Variants in TLL1 observed in about 807,000 individuals in gnomAD.
TLL1 encodes the protein tolloid like 1.
TLL1 carries 49 observed loss-of-function variants against 128.2 expected under a neutral mutation model. That is an observed-to-expected ratio of 0.38 (90% confidence interval 0.30 to 0.48). The LOEUF (loss-of-function observed/expected upper bound fraction) is 0.48. TLL1 is among the 20% of genes least tolerant of loss of function. The probability of loss-of-function intolerance (pLI) is 0.96; values close to 1 mark genes in which losing one functional copy is unlikely to be tolerated. For synonymous variants in TLL1, 454 were observed against 418.8 expected, an observed-to-expected ratio of 1.08 and a Z score of -1.03; for missense variants, 1,123 against 1,242.0, an observed-to-expected ratio of 0.90 and a Z score of 1.44.
chr4:165,953,253 T>G (rs1734612225), intron 1 of TLL1, among the ~76,000 whole-genome samples: 1 of 152,028 alleles, frequency 6.6e-6, no homozygotes, highest in Non-Finnish European at 1.5e-5. Flanking sequence ...GTATTTGTCC[T>G]TTGGTATTTA....
chr4:165,980,013 G>A (rs1304347958), intron 1 of TLL1, among the ~76,000 whole-genome samples: 3 of 152,184 alleles, frequency 2.0e-5, no homozygotes, highest in South Asian at 2.1e-4. Context: ...AGGGTAAAAC[G>A]ACAGTTTCAG....
intron 14 of TLL1, among the ~76,000 whole-genome samples, chr4:166,059,034 G>A (rs578114599): frequency 7.2e-5 from 11 of 152,094 alleles, no homozygotes; most frequent in Non-Finnish European, 1.5e-4. Flanking sequence ...TAATGAAGCA[G>A]TATATTTTTA....
At chr4:165,981,989 C>T (rs921664034) in intron 1 of TLL1, among the ~76,000 whole-genome samples, 4 of 151,934 alleles carry the variant, frequency 2.6e-5, no homozygotes, top group East Asian at 1.9e-4. Context: ...CTTAGACAAA[C>T]GATGTTTCTG....
At chr4:165,957,701 C>CT (rs568454587) in intron 1 of TLL1, among the ~76,000 whole-genome samples, 2,277 of 135,802 alleles carry the variant, frequency 0.017, 37 homozygotes, top group African/African-American at 0.046. Flanking sequence ...TTGGATCATT[C>CT]TTTTTTTTTT....
intron 1 of TLL1, among the ~76,000 whole-genome samples, chr4:165,986,491 T>C (rs1579585067): frequency 6.6e-6 from 1 of 152,190 alleles, no homozygotes; most frequent in East Asian, 1.9e-4. Flanking sequence ...GTGTCAAGTC[T>C]GGCCGTAAAT....
intron 1 of TLL1, among the ~76,000 whole-genome samples, chr4:165,893,906 C>T (rs1238031273): frequency 6.6e-6 from 1 of 152,124 alleles, no homozygotes; most frequent in African/African-American, 2.4e-5. Context: ...CTCAAAAAGA[C>T]TTATTGAAAT....
At chr4:165,980,202 A>G (rs984387262) in intron 1 of TLL1, among the ~76,000 whole-genome samples, 1 of 148,334 alleles carries the variant, frequency 6.7e-6, no homozygotes, top group African/African-American at 2.6e-5. Flanking sequence ...CTGAGTGTCC[A>G]GTCCCCTTAT....
chr4:165,931,246 G>T (rs533540857), intron 1 of TLL1, among the ~76,000 whole-genome samples: 107 of 152,112 alleles, frequency 7.0e-4, no homozygotes, highest in Non-Finnish European at 1.3e-3. Context: ...AAATGATAGA[G>T]AATAGTTTTA....
At chr4:166,083,960 T>G (rs1490458639) in intron 18 of TLL1, among the ~76,000 whole-genome samples, 1 of 152,104 alleles carries the variant, frequency 6.6e-6, no homozygotes, top group African/African-American at 2.4e-5. Context: ...TCGAGGAGAC[T>G]CCATACTTTT....
chr4:165,949,735 A>G (rs548339332), intron 1 of TLL1, among the ~76,000 whole-genome samples: 1 of 152,236 alleles, frequency 6.6e-6, no homozygotes, highest in South Asian at 2.1e-4. Context: ...CACTACCACA[A>G]GAACAGCATG....
At chr4:166,092,392 G>A (rs2111159540) in intron 19 of TLL1, among the ~76,000 whole-genome samples, 1 of 151,834 alleles carries the variant, frequency 6.6e-6, no homozygotes, top group Admixed American at 6.6e-5. Context: ...AGTAATCATT[G>A]GTCTTCTATC....
intron 1 of TLL1, among the ~76,000 whole-genome samples, chr4:165,955,867 A>AT (rs1160306780): frequency 1.3e-5 from 2 of 152,030 alleles, no homozygotes; most frequent in African/African-American, 4.8e-5. Flanking sequence ...GGTTCTTTCT[A>AT]TTTTCCATAA....
intron 1 of TLL1, among the ~76,000 whole-genome samples, chr4:165,979,245 G>A (rs1316084162): frequency 6.6e-6 from 1 of 152,054 alleles, no homozygotes; most frequent in Non-Finnish European, 1.5e-5. Flanking sequence ...AGCATTGTTT[G>A]TATTAGGGAA....
chr4:165,972,759 A>G (rs940072109), intron 1 of TLL1, among the ~76,000 whole-genome samples: 1 of 152,124 alleles, frequency 6.6e-6, no homozygotes, highest in African/African-American at 2.4e-5. Context: ...TCAGGATTCC[A>G]TCATGTCCAT....
Position 166,055,204 on chromosome 4 carries a change from T to C in TLL1, c.1653T>C (p.Thr551=). ...AAGACATAAGATCTACCTCCAATAC[T>C]TTGTGGATGAAGTTTGTTTCTGACG... ...KPEDIRSTSN[T]LWMKFVSDGT... is the part of the protein sequence containing the mutation. The change falls in exon 13 of 21, where the codon ACT becomes ACC. Residue 551 remains threonine (T), a synonymous_variant. Transcript: ENST00000061240. 6.2e-7 allele frequency: 1 copy of C among 1,613,764 alleles called. No individual in the cohort carries two copies.
intron 8 of TLL1, among the ~76,000 whole-genome samples, chr4:166,020,808 CAT>C (rs1258088168): frequency 1.3e-5 from 2 of 152,056 alleles, no homozygotes; most frequent in Non-Finnish European, 2.9e-5. Context: ...AAAAGTATAA[CAT>C]AAATTGATAA....
chr4:166,035,936 A>G (rs1308296539), intron 9 of TLL1, among the ~76,000 whole-genome samples: 1 of 152,084 alleles, frequency 6.6e-6, no homozygotes, highest in Non-Finnish European at 1.5e-5. Flanking sequence ...TTCTGAGGCA[A>G]AAAAAATATC....
chr4:165,985,232 C>T (rs1736346936), intron 1 of TLL1, among the ~76,000 whole-genome samples: 1 of 151,918 alleles, frequency 6.6e-6, no homozygotes, highest in Non-Finnish European at 1.5e-5. Context: ...GAAGTAGAGA[C>T]ACTTAATTAG....
intron 1 of TLL1, among the ~76,000 whole-genome samples, chr4:165,980,175 T>G (rs541428987): frequency 7.9e-4 from 120 of 151,966 alleles, no homozygotes; most frequent in Non-Finnish European, 1.0e-3. Flanking sequence ...ATATTGAGAA[T>G]ATGTTGGGCA....
Sources: gnomAD v4.1 joint callset for allele counts (sites outside exome capture counted in the v4.1 genomes callset) on GRCh38, gnomAD v4.1.1 for gene constraint, MANE v1.5 for transcripts, NCBI Gene and HGNC (gene_info 2026-07-23, HGNC 2026-07-21) for gene names.